Variants in MDGA2 observed in about 807,000 individuals in gnomAD.
The protein encoded by MDGA2 is MAM domain containing glycosylphosphatidylinositol anchor 2.
A neutral mutation model predicts 117.8 loss-of-function variants in MDGA2; 40 were observed. The ratio of observed to expected loss-of-function variants is 0.34; its 90% CI spans 0.26 to 0.44. The LOEUF (loss-of-function observed/expected upper bound fraction) is 0.44, where lower values mean the gene tolerates loss of function less well. Among genes scored for constraint, MDGA2 ranks in the 20% least tolerant of loss-of-function variants. The pLI, the probability that MDGA2 is intolerant of heterozygous loss-of-function variation, is 1.00. For synonymous variants in MDGA2, 452 were observed against 439.0 expected (o/e 1.03, Z -0.37); for missense variants, 1,123 against 1,250.6 (o/e 0.90, Z 1.54).
intron 1 of MDGA2, among the ~76,000 whole-genome samples, chr14:47,563,594 T>TTTTTTTTTTTTTTTTTTTTTG (rs1895860413): frequency 1.2e-5 from 1 of 84,314 alleles, no homozygotes; most frequent in African/African-American, 3.4e-5. Flanking sequence ...TTTTTTTTTT[T>TTTTTTTTTTTTTTTTTTTTTG]TTTTTTTTTT....
intron 3 of MDGA2, among the ~76,000 whole-genome samples, chr14:47,186,303 CTTA>C (rs1027101725): frequency 1.1e-4 from 16 of 151,324 alleles, no homozygotes; most frequent in African/African-American, 3.9e-4. Flanking sequence ...TGGAATTTGG[CTTA>C]TTAATTTTAA....
intron 10 of MDGA2, among the ~76,000 whole-genome samples, chr14:46,894,144 A>T (rs1215771691): frequency 1.3e-5 from 2 of 152,070 alleles, no homozygotes; most frequent in African/African-American, 4.8e-5. Context: ...CATTATTTTA[A>T]TTTAAATCTT....
chr14:47,266,908 C>T (rs781091163), intron 2 of MDGA2, among the ~76,000 whole-genome samples: 13 of 152,234 alleles, frequency 8.5e-5, no homozygotes. Flanking sequence ...CAGAACATCC[C>T]CATTCAAAAC....
At chr14:46,877,731 A>G (rs1266285764) in intron 11 of MDGA2, among the ~76,000 whole-genome samples, 2 of 151,790 alleles carry the variant, frequency 1.3e-5, no homozygotes, top group Non-Finnish European at 3.0e-5. Flanking sequence ...CAAATTACCA[A>G]AAAGACCAAT....
intron 8 of MDGA2, among the ~76,000 whole-genome samples, chr14:46,982,538 G>A (rs893017782): frequency 1.3e-5 from 2 of 150,866 alleles, no homozygotes; most frequent in Middle Eastern, 3.2e-3. Flanking sequence ...GTGAAACCCC[G>A]TCTCCGCTAA....
intron 1 of MDGA2, among the ~76,000 whole-genome samples, chr14:47,653,287 T>C (rs754181006): frequency 5.9e-5 from 9 of 152,088 alleles, no homozygotes; most frequent in South Asian, 4.1e-4. Flanking sequence ...GTGGAAGCAA[T>C]AGTTCTTTGC....
intron 1 of MDGA2, among the ~76,000 whole-genome samples, chr14:47,322,366 C>T (rs1890005371): frequency 6.6e-6 from 1 of 152,172 alleles, no homozygotes; most frequent in Non-Finnish European, 1.5e-5. Flanking sequence ...CCTCTGACAA[C>T]AGTCTTGGGA....
chr14:46,873,742 C>G (rs1882108909), intron 13 of MDGA2, 151 bp from the exon 14 acceptor site: 1 of 662,434 alleles, frequency 1.5e-6, no homozygotes, highest in African/African-American at 1.9e-5. Flanking sequence ...GTATATGTAA[C>G]TAATAGTGGC....
At chr14:46,923,085 A>G (rs1884195326) in intron 9 of MDGA2, among the ~76,000 whole-genome samples, 1 of 152,360 alleles carries the variant, frequency 6.6e-6, no homozygotes, top group East Asian at 1.9e-4. Context: ...GTTGAAAAAC[A>G]GATCCTCATG....
chr14:47,130,597 T>G (rs1882154470), intron 5 of MDGA2, among the ~76,000 whole-genome samples: 1 of 152,228 alleles, frequency 6.6e-6, no homozygotes, highest in Non-Finnish European at 1.5e-5. Context: ...CTAGGTTTAA[T>G]CTTTTTATCA....
chr14:47,307,903 A>G (rs1472340222), intron 1 of MDGA2, among the ~76,000 whole-genome samples: 2 of 152,232 alleles, frequency 1.3e-5, no homozygotes, highest in East Asian at 3.9e-4. Context: ...AACCATGATA[A>G]ATATGTATTC....
chr14:47,666,524 G>T (rs72492737), intron 1 of MDGA2, among the ~76,000 whole-genome samples: 1 of 152,110 alleles, frequency 6.6e-6, no homozygotes, highest in Non-Finnish European at 1.5e-5. Context: ...GGAATGTGGA[G>T]AACTTTTGAG....
chr14:47,438,315 A>G (rs1489073458), intron 1 of MDGA2, among the ~76,000 whole-genome samples: 1 of 152,150 alleles, frequency 6.6e-6, no homozygotes, highest in Non-Finnish European at 1.5e-5. Context: ...ACTCAACAGC[A>G]TACCGAAAGT....
At chr14:47,366,423 C>T (rs909807744) in intron 1 of MDGA2, among the ~76,000 whole-genome samples, 1 of 151,820 alleles carries the variant, frequency 6.6e-6, no homozygotes, top group African/African-American at 2.4e-5. Flanking sequence ...ATTATTCTTT[C>T]TAGTCCTTTC....
intron 2 of MDGA2, among the ~76,000 whole-genome samples, chr14:47,292,267 A>C (rs1888917069): frequency 6.6e-6 from 1 of 152,210 alleles, no homozygotes; most frequent in African/African-American, 2.4e-5. Flanking sequence ...ATGATTTCAT[A>C]CATCGGTTTG....
chr14:47,456,350 T>C (rs902412150), intron 1 of MDGA2, among the ~76,000 whole-genome samples: 18 of 148,426 alleles, frequency 1.2e-4, no homozygotes, highest in Non-Finnish European at 2.4e-4. Context: ...AGGAGTGCAA[T>C]GGTGCCATCT....
intron 1 of MDGA2, among the ~76,000 whole-genome samples, chr14:47,352,783 G>C (rs1436679638): frequency 2.6e-5 from 4 of 152,072 alleles, no homozygotes; most frequent in African/African-American, 9.7e-5. Flanking sequence ...ATTATTTCGA[G>C]AGCATTTGAG....
chr14:46,930,207 A>G (rs998263091), intron 9 of MDGA2, among the ~76,000 whole-genome samples: 4 of 152,106 alleles, frequency 2.6e-5, no homozygotes, highest in Non-Finnish European at 5.9e-5. Context: ...AAAGTTTAAT[A>G]AAGTTTAACA....
At chr14:47,128,832 C>G (rs1244440375) in intron 5 of MDGA2, among the ~76,000 whole-genome samples, 2 of 151,620 alleles carry the variant, frequency 1.3e-5, no homozygotes, top group Non-Finnish European at 2.9e-5. Context: ...GCAGCTGGGA[C>G]TACAGTCGCC....
Sources: allele counts gnomAD v4.1 joint callset (sites outside exome capture counted in the v4.1 genomes callset), GRCh38; gene constraint gnomAD v4.1.1; transcripts MANE v1.5; gene names NCBI Gene and HGNC (gene_info 2026-07-23, HGNC 2026-07-21).